STXBP4: variants seen among roughly 807,000 people sequenced by gnomAD.
STXBP4 encodes syntaxin-binding protein 4.
In STXBP4, 55 loss-of-function variants were observed where a neutral mutation model predicts 76.1. The ratio of observed to expected loss-of-function variants is 0.72; its 90% CI spans 0.58 to 0.91. The LOEUF is 0.91. Among genes scored for constraint, STXBP4 ranks in the 40% least tolerant of loss-of-function variants. The probability of loss-of-function intolerance (pLI) is 0.00; values close to 1 mark genes in which losing one functional copy is unlikely to be tolerated. For missense variants in STXBP4, 618 were observed against 636.9 expected (o/e 0.97, Z 0.32); for synonymous variants, 201 against 220.2 (o/e 0.91, Z 0.77).
the STXBP4 span, among the ~76,000 whole-genome samples, chr17:55,186,623 C>A: frequency 2.0e-5 from 3 of 152,256 alleles, no homozygotes; most frequent in Non-Finnish European, 2.9e-5. Flanking sequence ...AAAATGAATT[C>A]TTGGCTTAGA....
chr17:54,999,119 C>T (rs1032939515), intron 4 of STXBP4, among the ~76,000 whole-genome samples: 1 of 152,046 alleles, frequency 6.6e-6, no homozygotes, highest in Non-Finnish European at 1.5e-5. Flanking sequence ...TTCTTTACCA[C>T]GTAAATTTAT....
At chr17:55,185,246 CTT>C in the STXBP4 span, among the ~76,000 whole-genome samples, 1 of 47,692 alleles carries the variant, frequency 2.1e-5, no homozygotes, top group Non-Finnish European at 3.9e-5. Context: ...TCTTCTTCTT[CTT>C]CTCCTTCTCC....
At chr17:55,211,831 C>T in the STXBP4 span, among the ~76,000 whole-genome samples, 553 of 48,808 alleles carry the variant, frequency 0.011, 1 homozygote, top group Non-Finnish European at 0.015. Context: ...TTTTTTTTGA[C>T]GGAGTCTTGC....
rs2080364401 is a variant in STXBP4 at position 55,164,459 on chromosome 17, T to TTTTTTC, written c.*4550_*4551insTTTCTT. 2 of 141,442 alleles carry TTTTTTC rather than the reference T, an allele frequency of 1.4e-5. No individual in the cohort carries two copies. The highest frequency in any genetic ancestry group is 3.0e-5 in the Non-Finnish European group (2 of 66,142). 8.8% of individuals were successfully genotyped at this position (141,442 alleles called of 1,614,324 possible). A position where few individuals can be genotyped will look rare whatever the true frequency, so the allele number is the denominator to read the frequency against. On this transcript the variant is annotated 3_prime_UTR_variant, in exon 18 of 18. Coordinates refer to ENST00000376352, the MANE Select transcript of STXBP4 (RefSeq NM_178509.6). ...ATTTCTTTTTTTTTTTTTTTTTTTT[T>TTTTTTC]TTGAGACGGAGTCTCGCTCTGTCGC...
intron 13 of STXBP4, among the ~76,000 whole-genome samples, chr17:55,073,287 C>T (rs2079144260): frequency 6.6e-6 from 1 of 152,142 alleles, no homozygotes; most frequent in Non-Finnish European, 1.5e-5. Flanking sequence ...AGCATGTGCC[C>T]CAAATTTATT....
At chr17:55,013,788 G>A (rs1341305224) in intron 8 of STXBP4, among the ~76,000 whole-genome samples, 1 of 152,178 alleles carries the variant, frequency 6.6e-6, no homozygotes, top group Non-Finnish European at 1.5e-5. Context: ...AAATAGATGG[G>A]GGCTATCCCT....
intron 12 of STXBP4, among the ~76,000 whole-genome samples, chr17:55,049,981 T>C (rs921987540): frequency 1.3e-5 from 2 of 152,022 alleles, no homozygotes. Context: ...ATGAAAGAAA[T>C]TTTCCAAATT....
At chr17:55,051,737 A>G (rs1379271571) in intron 12 of STXBP4, among the ~76,000 whole-genome samples, 1 of 152,152 alleles carries the variant, frequency 6.6e-6, no homozygotes, top group Non-Finnish European at 1.5e-5. Flanking sequence ...CCTGGGCAAC[A>G]TAGTGACACC....
In STXBP4 at chr17:55,047,094, A is replaced by T; in HGVS notation, c.951A>T (p.Lys317Asn). The change falls in exon 12 of 18, where the codon AAA becomes AAT. Residue 317 changes from lysine (K) to asparagine (N), a missense_variant. Lys to Asn is a moderately conservative substitution (Grantham distance 94). Transcript: ENST00000376352. ...ALKEVNTLKE[K>N]LLESDKQRKQ... ...TTGGTGGTTTTTAAATATAGGAAAA[A>T]TTATTGGAATCAGATAAGCAAAGGA... 1.2e-6 allele frequency: 2 copies of T among 1,601,610 alleles called. No homozygotes were observed. Among genetic ancestry groups the T allele is most frequent in the Non-Finnish European group, 1.7e-6 (2 of 1,170,460 alleles).
intron 16 of STXBP4, among the ~76,000 whole-genome samples, chr17:55,134,093 G>A (rs964347461): frequency 5.3e-5 from 8 of 152,002 alleles, no homozygotes; most frequent in African/African-American, 1.9e-4. Flanking sequence ...GGAAGAAAGC[G>A]GACAATTGTT....
At chr17:55,098,100 CT>C (rs976927986) in intron 16 of STXBP4, among the ~76,000 whole-genome samples, 1 of 151,896 alleles carries the variant, frequency 6.6e-6, no homozygotes, top group African/African-American at 2.4e-5. Flanking sequence ...TCCGCACCTC[CT>C]TTTTTTTGAG....
intron 3 of STXBP4, among the ~76,000 whole-genome samples, chr17:54,988,980 T>C (rs2077669512): frequency 6.6e-6 from 1 of 152,226 alleles, no homozygotes; most frequent in Admixed American, 6.5e-5. Context: ...ATGTGCTTTT[T>C]AAAAAAATTT....
intron 16 of STXBP4, among the ~76,000 whole-genome samples, chr17:55,102,805 T>C (rs1024540227): frequency 2.6e-5 from 4 of 152,212 alleles, no homozygotes; most frequent in Non-Finnish European, 4.4e-5. Context: ...CCTGACTTTT[T>C]AATGATTGCC....
Position 55,163,176 on chromosome 17 carries a change from A to T in STXBP4, c.*3265A>T, listed in dbSNP as rs1264354584. On this transcript the variant is annotated 3_prime_UTR_variant, in exon 18 of 18. Coordinates refer to ENST00000376352, the MANE Select transcript of STXBP4 (RefSeq NM_178509.6). ...TATGTGAGCCTTATTTTTATGTATG[A>T]TAGGACTTTTTTTAGTCCAAATGTT... 1 of 150,232 alleles carries T rather than the reference A, an allele frequency of 6.7e-6. No homozygotes were observed. Among genetic ancestry groups the T allele is most frequent in the Non-Finnish European group, 1.5e-5 (1 of 67,726 alleles). The allele number at this position is 150,232 out of a possible 1,614,324, so 9.3% of individuals were successfully genotyped here.
chr17:55,152,602 G>A (rs992904544), intron 17 of STXBP4, among the ~76,000 whole-genome samples: 2 of 152,294 alleles, frequency 1.3e-5, no homozygotes, highest in African/African-American at 4.8e-5. Context: ...GGCAGCAGGA[G>A]TGAGAAGTGC....
At chr17:55,064,066 T>C (rs1277758493) in intron 12 of STXBP4, among the ~76,000 whole-genome samples, 2 of 152,164 alleles carry the variant, frequency 1.3e-5, no homozygotes, top group African/African-American at 4.8e-5. Context: ...ACTCATGACA[T>C]TGTGTTAAAT....
chr17:54,988,397 G>T (rs376667942), intron 3 of STXBP4, among the ~76,000 whole-genome samples: 1 of 152,256 alleles, frequency 6.6e-6, no homozygotes, highest in East Asian at 1.9e-4. Flanking sequence ...GATCTAATAA[G>T]GTAGCTTACT....
intron 16 of STXBP4, among the ~76,000 whole-genome samples, chr17:55,137,629 C>T (rs2080046960): frequency 6.6e-6 from 1 of 152,088 alleles, no homozygotes; most frequent in Non-Finnish European, 1.5e-5. Context: ...TTGAAATTTC[C>T]TGTGCCTCAG....
At chr17:54,991,053 C>T (rs1437396066) in intron 4 of STXBP4, 96 bp downstream of exon 4, 2 of 1,323,662 alleles carry the variant, frequency 1.5e-6, no homozygotes, top group African/African-American at 3.0e-5. Context: ...TTTATATCCA[C>T]TGTGACCATA....
Sources: gnomAD v4.1 joint callset for allele counts (sites outside exome capture counted in the v4.1 genomes callset) on GRCh38, gnomAD v4.1.1 for gene constraint, MANE v1.5 for transcripts, NCBI Gene and HGNC (gene_info 2026-07-23, HGNC 2026-07-21) for gene names.